PADI6: variants seen among roughly 807,000 people sequenced by gnomAD.
PADI6 encodes the protein inactive protein-arginine deiminase type-6.
A neutral mutation model predicts 78.2 loss-of-function variants in PADI6; 66 were observed. The observed-to-expected ratio is 0.84, with a 90% CI of 0.69 to 1.04. The LOEUF is 1.04. PADI6 is among the 50% of genes least tolerant of loss of function. PADI6 has a pLI of 0.00. For synonymous variants in PADI6, 397 were observed against 346.9 expected, an observed-to-expected ratio of 1.14 and a Z score of -1.60; for missense variants, 854 against 866.1, an observed-to-expected ratio of 0.99 and a Z score of 0.18.
chr1:17,372,993 A>C, intron 1 of PADI6, 63 bp from the exon 2 acceptor site: 3 of 1,526,362 alleles, frequency 2.0e-6, no homozygotes, highest in Non-Finnish European at 2.7e-6. Context: ...CCCCCATGCC[A>C]GTCATCTCCT....
intron 3 of PADI6, among the ~76,000 whole-genome samples, chr1:17,376,466 A>C (rs1458570526): frequency 6.6e-6 from 1 of 151,030 alleles, no homozygotes; most frequent in Non-Finnish European, 1.5e-5. Context: ...TGCCCGGCTA[A>C]TTTTTTTTTA....
intron 5 of PADI6, 58 bp from the exon 6 acceptor site, chr1:17,381,909 C>T: frequency 1.9e-6 from 3 of 1,604,988 alleles, no homozygotes; most frequent in South Asian, 2.2e-5. Flanking sequence ...CTCTTCCCTC[C>T]ACCCCCAGAG....
At position 17,380,050 on chromosome 1, in the gene PADI6, C is replaced by T. The variant is rs1246168751; in HGVS notation, c.435+63C>T. The T allele has an allele frequency of 2.6e-6, 4 of 1,524,838 alleles. No homozygotes were observed. The Admixed American group carries it at 5.0e-5, about 19-fold the overall frequency. 94.5% of individuals were successfully genotyped at this position (1,524,838 alleles called of 1,614,324 possible). ...TATAAGCCAAATCTGCCCACAGGCT[C>T]ACTTGATCTGACCTTCCTCGTGTCT... On this transcript the variant is annotated intron_variant, in intron 4 of 15. Transcript: ENST00000619609.
intron 8 of PADI6, 53 bp from the exon 9 acceptor site, chr1:17,392,061 C>T: frequency 6.9e-7 from 1 of 1,445,822 alleles, no homozygotes; most frequent in South Asian, 1.2e-5. Context: ...GAGGTCATAA[C>T]CAGTAAGGGA....
chr1:17,382,128 T>A (rs768246834), intron 6 of PADI6, 36 bp downstream of exon 6: 5 of 1,608,050 alleles, frequency 3.1e-6, no homozygotes, highest in Non-Finnish European at 4.3e-6. Flanking sequence ...CTTTGCCTGC[T>A]CTCGACGTGC....
chr1:17,373,817 C>T (rs1469282063), intron 2 of PADI6, among the ~76,000 whole-genome samples: 1 of 152,130 alleles, frequency 6.6e-6, no homozygotes, highest in African/African-American at 2.4e-5. Context: ...TATGAGGAAA[C>T]TAAGGCACAG....
intron 8 of PADI6, among the ~76,000 whole-genome samples, chr1:17,391,319 C>CGG (rs2075181749): frequency 1.3e-5 from 2 of 152,114 alleles, no homozygotes; most frequent in Non-Finnish European, 2.9e-5. Context: ...TCCAGGGTTC[C>CGG]AGCAATTCTC....
At chr1:17,393,098 A>G (rs1443377934) in intron 9 of PADI6, among the ~76,000 whole-genome samples, 1 of 152,106 alleles carries the variant, frequency 6.6e-6, no homozygotes, top group Non-Finnish European at 1.5e-5. Context: ...GTGCACCTAG[A>G]TCACGCCACT....
In PADI6 at chr1:17,394,983, G is replaced by T. The variant is rs751474718; in HGVS notation, c.1370G>T (p.Arg457Leu). 1.9e-6 allele frequency: 3 copies of T among 1,613,122 alleles called. No homozygotes were observed. The highest frequency in any genetic ancestry group is 2.5e-6 in the Non-Finnish European group (3 of 1,179,874). ...AEGRAMSKTL[R>L]DFLYAQQVQA... ...GGCCGGGCCATGAGTAAGACCCTCCGAGACTTCCTCTATGCCCAGCAGGTC... is the reference window on the plus strand; with the variant it reads ...GGCCGGGCCATGAGTAAGACCCTCCTAGACTTCCTCTATGCCCAGCAGGTC... Residue 457 changes from arginine (R) to leucine (L), a missense_variant, in exon 12 of 16, where the codon CGA becomes CTA. Coordinates refer to ENST00000619609, the MANE Select transcript of PADI6 (RefSeq NM_207421.4).
In PADI6 at chr1:17,388,402, A is replaced by G; in HGVS notation, c.701A>G (p.Glu234Gly). The change falls in exon 7 of 16, where the codon GAG becomes GGG. Residue 234 changes from glutamate (E) to glycine (G), a missense_variant. By Grantham distance (98) the Glu-to-Gly change is moderately conservative. Coordinates refer to ENST00000619609, the MANE Select transcript of PADI6 (RefSeq NM_207421.4). ...WPQKDNSSTFELVLGPDQHAY... is the reference protein window; with the variant it reads ...WPQKDNSSTFGLVLGPDQHAY... ...CTAGAAGACAACTCCAGTACCTTTG[A>G]GTTGGTGCTGGGGCCCGACCAGCAC... is the stretch of plus-strand genomic sequence containing the variant. 1 of 1,613,000 alleles carries G rather than the reference A, an allele frequency of 6.2e-7. No individual in the cohort carries two copies. Among genetic ancestry groups the G allele is most frequent in the Non-Finnish European group, 8.5e-7 (1 of 1,179,518 alleles).
rs565687545 is a variant in PADI6, at chr1:17,386,410, T to A, written c.680-1971T>A. Among the ~76,000 whole-genome samples the A allele has an allele frequency of 5.3e-5, 8 of 152,328 alleles. No homozygotes were observed. In the South Asian group the frequency reaches 1.7e-3, roughly 32 times the overall value. ...CAGACTGTGACCCTCTCGCCCTCAC[T>A]GCCTGGTGGTGAATCACCCTTGGGT... On this transcript the variant is annotated intron_variant, in intron 6 of 15. Transcript: ENST00000619609.
chr1:17,397,845 C>G (rs984529862), intron 14 of PADI6, among the ~76,000 whole-genome samples: 1 of 152,106 alleles, frequency 6.6e-6, no homozygotes, highest in Admixed American at 6.5e-5. Flanking sequence ...GTCCATTTCC[C>G]GGAAAATGAC....
intron 13 of PADI6, among the ~76,000 whole-genome samples, chr1:17,396,724 C>CAGAAAGT (rs2075250790): frequency 6.6e-6 from 1 of 152,202 alleles, no homozygotes; most frequent in Non-Finnish European, 1.5e-5. Flanking sequence ...GGGTCACAGG[C>CAGAAAGT]AGAAAGTGCC....
Position 17,388,826 on chromosome 1 carries a change from C to T in PADI6, c.908C>T (p.Ala303Val), listed in dbSNP as rs2075153674. The T allele has an allele frequency of 6.2e-7, 1 of 1,613,692 alleles. No individual in the cohort carries two copies. Among genetic ancestry groups the T allele is most frequent in the Admixed American group, 1.7e-5 (1 of 59,968 alleles). Residue 303 changes from alanine to valine, a missense_variant, in exon 8 of 16, where the codon GCT (alanine) becomes GTT (valine). Physicochemically the swap from Ala to Val is moderately conservative, Grantham distance 64 (BLOSUM62 0). Transcript: ENST00000619609. ...LYKDTVVFRV[A>V]PCVFIPCTQV... ...AAAGACACGGTGGTGTTCCGGGTGG[C>T]TCCCTGTGTCTTCATTCCCTGTACC...
chr1:17,372,903 AG>A (rs1238422578), intron 1 of PADI6, among the ~76,000 whole-genome samples, 152 bp from the exon 2 acceptor site: 19 of 148,282 alleles, frequency 1.3e-4, no homozygotes, highest in Admixed American at 4.0e-4. Context: ...GTCCTTTGGG[AG>A]GGGGTGGGTA....
rs369227850 is a variant in PADI6, at chr1:17,392,150, G to A, written c.999G>A (p.Thr333=). Residue 333 remains threonine (T), a synonymous_variant, in exon 9 of 16, where the codon ACG becomes ACA. Coordinates refer to ENST00000619609, the MANE Select transcript of PADI6 (RefSeq NM_207421.4). ...TGCAGGGTTTTGTGGACACAGTGAC[G>A]AAGCTGAGTGAGAAGAGCAACAGCC... ...LQLQGFVDTV[T]KLSEKSNSQV... is the part of the protein sequence containing the mutation. 40 of 1,561,200 alleles carry A rather than the reference G, an allele frequency of 2.6e-5. No individual in the cohort carries two copies. Among genetic ancestry groups the A allele is most frequent in the African/African-American group, 1.2e-4 (9 of 73,638 alleles).
chr1:17,400,261 C>T (rs995247914), intron 15 of PADI6, among the ~76,000 whole-genome samples: 8 of 151,502 alleles, frequency 5.3e-5, no homozygotes, highest in Admixed American at 1.3e-4. Context: ...CACCTGTAAT[C>T]CCAGCACTTT....
intron 3 of PADI6, among the ~76,000 whole-genome samples, chr1:17,377,063 C>A (rs2075026593): frequency 6.6e-6 from 1 of 152,022 alleles, no homozygotes; most frequent in Non-Finnish European, 1.5e-5. Flanking sequence ...ACATAGGTAT[C>A]CCTATGTTGC....
Position 17,382,047 on chromosome 1 carries a change from A to G in PADI6, c.634A>G (p.Thr212Ala). The change falls in exon 6 of 16, where the codon ACC becomes GCC. Residue 212 changes from threonine to alanine, a missense_variant. Physicochemically the swap from Thr to Ala is moderately conservative, Grantham distance 58 (BLOSUM62 0). Transcript: ENST00000619609. The part of the protein sequence containing the change: ...ILKKYRLVLH[T>A]SKEESKKARV... ...AAAGAAATATCGGCTAGTCCTCCAT[A>G]CCTCCAAGGAAGAGTCGAAGAAGGC... 1 of 1,613,854 alleles carries G rather than the reference A, an allele frequency of 6.2e-7. No homozygotes were observed. The highest frequency in any genetic ancestry group is 8.5e-7 in the Non-Finnish European group (1 of 1,179,844).
Sources: allele counts gnomAD v4.1 joint callset (sites outside exome capture counted in the v4.1 genomes callset), GRCh38; gene constraint gnomAD v4.1.1; transcripts MANE v1.5; gene names NCBI Gene and HGNC (gene_info 2026-07-23, HGNC 2026-07-21).